Variants in SPOCK3 observed in about 807,000 individuals in gnomAD.
The protein encoded by SPOCK3 is SPARC (osteonectin), cwcv and kazal like domains proteoglycan 3, also known as testican-3.
SPOCK3 carries 30 observed loss-of-function variants against 56.6 expected under a neutral mutation model. The observed-to-expected ratio is 0.53, with a 90% CI of 0.40 to 0.72. The LOEUF (loss-of-function observed/expected upper bound fraction) is 0.72. Ranked by LOEUF, SPOCK3 falls within the 30% of genes least tolerant of loss-of-function variation. The pLI, the probability that SPOCK3 is intolerant of heterozygous loss-of-function variation, is 0.00. For synonymous variants in SPOCK3, 196 were observed against 183.3 expected (o/e 1.07, Z -0.56); for missense variants, 527 against 530.0 (o/e 0.99, Z 0.06).
intron 3 of SPOCK3, among the ~76,000 whole-genome samples, chr4:167,047,882 T>C (rs892347719): frequency 1.3e-5 from 2 of 152,132 alleles, no homozygotes; most frequent in Admixed American, 6.5e-5. Flanking sequence ...AGCCCATCTC[T>C]ACACAATACA....
chr4:166,982,938 T>C (rs1185909764), intron 4 of SPOCK3, among the ~76,000 whole-genome samples: 1 of 152,178 alleles, frequency 6.6e-6, no homozygotes. Flanking sequence ...TCAACCCCTC[T>C]TCCCTAAGTT....
intron 2 of SPOCK3, among the ~76,000 whole-genome samples, chr4:167,187,182 A>T (rs990536144): frequency 6.6e-6 from 1 of 151,842 alleles, no homozygotes; most frequent in African/African-American, 2.4e-5. Flanking sequence ...TTCTTTCAGG[A>T]TGTCATGCTG....
chr4:167,064,790 C>T (rs1262300538), intron 2 of SPOCK3, among the ~76,000 whole-genome samples: 1 of 151,646 alleles, frequency 6.6e-6, no homozygotes, highest in Non-Finnish European at 1.5e-5. Flanking sequence ...AAAATAATAT[C>T]TACCTATTTG....
In SPOCK3 at chr4:167,148,538, AG is replaced by A. The variant is rs555301013; in HGVS notation, c.189+85446del. Reference sequence around the variant, plus strand: ...ACTTACCTGTTTAGTCATCATTAAAAGGAGGGCAATATAATTATTTCTGTAA... The same window carrying A: ...ACTTACCTGTTTAGTCATCATTAAAAGAGGGCAATATAATTATTTCTGTAA... On this transcript the variant is annotated intron_variant, in intron 2 of 10. Transcript: ENST00000357545. 3.5e-3 allele frequency among the ~76,000 whole-genome samples: 531 copies of A among 152,260 alleles called. 2 individuals carry two copies. The highest frequency in any genetic ancestry group is 6.0e-3 in the Admixed American group (92 of 15,272).
chr4:166,742,257 C>T (rs934503305), intron 8 of SPOCK3, among the ~76,000 whole-genome samples, 198 bp from the exon 9 acceptor site: 4 of 151,890 alleles, frequency 2.6e-5, no homozygotes, highest in Admixed American at 6.6e-5. Context: ...ATCTATCTAT[C>T]TATCTATCTA....
chr4:167,008,575 A>C (rs375884892), intron 3 of SPOCK3, among the ~76,000 whole-genome samples: 4 of 152,084 alleles, frequency 2.6e-5, no homozygotes, highest in African/African-American at 9.7e-5. Context: ...TAACCAAGTA[A>C]ACCTGTGCTT....
intron 6 of SPOCK3, among the ~76,000 whole-genome samples, chr4:166,830,644 G>T (rs994861714): frequency 1.3e-5 from 2 of 152,098 alleles, no homozygotes; most frequent in Non-Finnish European, 2.9e-5. Context: ...TGAGGCATGA[G>T]AATTGCTTGA....
chr4:166,958,484 T>C (rs1481588690), intron 4 of SPOCK3, among the ~76,000 whole-genome samples: 1 of 152,194 alleles, frequency 6.6e-6, no homozygotes, highest in Non-Finnish European at 1.5e-5. Context: ...ATCTCTCATC[T>C]GTTATTGCAA....
chr4:166,966,078 G>A (rs548509008), intron 4 of SPOCK3, among the ~76,000 whole-genome samples: 3 of 152,116 alleles, frequency 2.0e-5, no homozygotes, highest in Admixed American at 6.6e-5. Context: ...ATGTCATATA[G>A]TTGGAATCAT....
intron 4 of SPOCK3, among the ~76,000 whole-genome samples, chr4:166,946,583 C>G (rs563221631): frequency 1.3e-5 from 2 of 152,340 alleles, no homozygotes; most frequent in Admixed American, 6.5e-5. Flanking sequence ...TTAACTATCA[C>G]CTTCACAATG....
intron 8 of SPOCK3, 40 bp from the exon 9 acceptor site, chr4:166,742,099 T>A: frequency 6.9e-7 from 1 of 1,447,946 alleles, no homozygotes; most frequent in Non-Finnish European, 9.7e-7. Flanking sequence ...GGATTCTAGT[T>A]AAACAAAGAA....
intron 2 of SPOCK3, among the ~76,000 whole-genome samples, chr4:167,160,684 A>G (rs1319148844): frequency 1.3e-5 from 2 of 152,212 alleles, no homozygotes; most frequent in Non-Finnish European, 2.9e-5. Context: ...TACTGGTACC[A>G]AAGCAGAGAT....
chr4:167,172,204 G>T (rs1424571178), intron 2 of SPOCK3, among the ~76,000 whole-genome samples: 1 of 152,134 alleles, frequency 6.6e-6, no homozygotes, highest in Non-Finnish European at 1.5e-5. Flanking sequence ...CATTTGCTGT[G>T]CCTACAAATC....
At chr4:166,961,633 T>C (rs1469961326) in intron 4 of SPOCK3, among the ~76,000 whole-genome samples, 1 of 152,120 alleles carries the variant, frequency 6.6e-6, no homozygotes, top group African/African-American at 2.4e-5. Flanking sequence ...GAATCAATTC[T>C]GCTCTTTGAG....
intron 2 of SPOCK3, among the ~76,000 whole-genome samples, chr4:167,168,529 G>A (rs1248110266): frequency 6.6e-6 from 1 of 152,102 alleles, no homozygotes; most frequent in African/African-American, 2.4e-5. Flanking sequence ...CTGTCTATGA[G>A]AAGAGACTGG....
chr4:166,939,718 G>C (rs961380898), intron 4 of SPOCK3, among the ~76,000 whole-genome samples: 5 of 152,052 alleles, frequency 3.3e-5, no homozygotes, highest in Admixed American at 6.6e-5. Flanking sequence ...TAGTCACCTC[G>C]GTCTTGCTAA....
chr4:166,914,617 A>G (rs1737646689), intron 4 of SPOCK3, among the ~76,000 whole-genome samples: 1 of 152,096 alleles, frequency 6.6e-6, no homozygotes, highest in South Asian at 2.1e-4. Flanking sequence ...CTAAAAATAC[A>G]AAATTAGCCA....
intron 6 of SPOCK3, among the ~76,000 whole-genome samples, chr4:166,809,017 G>A (rs948086890): frequency 1.3e-5 from 2 of 151,812 alleles, no homozygotes; most frequent in Non-Finnish European, 2.9e-5. Context: ...ACACATCTTT[G>A]GAGTATAAAA....
intron 2 of SPOCK3, among the ~76,000 whole-genome samples, chr4:167,130,489 G>A (rs1477398659): frequency 2.6e-5 from 4 of 151,944 alleles, no homozygotes; most frequent in Non-Finnish European, 5.9e-5. Context: ...ATTTCTGATG[G>A]CTCATACTCA....
Sources: allele counts gnomAD v4.1 joint callset (sites outside exome capture counted in the v4.1 genomes callset), GRCh38; gene constraint gnomAD v4.1.1; transcripts MANE v1.5; gene names NCBI Gene and HGNC (gene_info 2026-07-23, HGNC 2026-07-21).